RAD21: variants seen among roughly 807,000 people sequenced by gnomAD.
RAD21 encodes the protein RAD21 cohesin complex component.
A neutral mutation model predicts 71.5 loss-of-function variants in RAD21; 18 were observed. The ratio of observed to expected loss-of-function variants is 0.25; its 90% confidence interval spans 0.17 to 0.37. The LOEUF is 0.37. Among genes scored for constraint, RAD21 ranks in the 10% least tolerant of loss-of-function variants. The probability of loss-of-function intolerance (pLI) is 1.00; values close to 1 mark genes in which losing one functional copy is unlikely to be tolerated. For missense variants in RAD21, 493 were observed against 769.1 expected (o/e 0.64, Z 4.25); for synonymous variants, 248 against 254.0 (o/e 0.98, Z 0.22).
At chr8:116,851,533 T>C (rs1167747361) in intron 11 of RAD21, 2 of 154,084 alleles carry the variant, frequency 1.3e-5, no homozygotes, top group African/African-American at 4.8e-5. Flanking sequence ...CTAGCTGAAC[T>C]CAATGGTAGT....
chr8:116,871,828 A>G (rs548906158), intron 1 of RAD21, among the ~76,000 whole-genome samples: 67 of 152,366 alleles, frequency 4.4e-4, no homozygotes, highest in Non-Finnish European at 7.9e-4. Context: ...ACAGATGAAG[A>G]TAAGTAAATG....
At chr8:116,865,349 G>A (rs958980884) in intron 2 of RAD21, among the ~76,000 whole-genome samples, 1 of 152,076 alleles carries the variant, frequency 6.6e-6, no homozygotes, top group African/African-American at 2.4e-5. Flanking sequence ...TTTGCTTACG[G>A]ATGTTAAAGA....
intron 8 of RAD21, 134 bp from the exon 9 acceptor site, chr8:116,854,602 G>T: frequency 2.9e-6 from 2 of 697,818 alleles, no homozygotes; most frequent in East Asian, 5.3e-5. Context: ...ACTTCATGAG[G>T]ATAGAACGTT....
chr8:116,857,380 A>T lies in RAD21; in HGVS notation c.575T>A (p.Leu192Gln). ...GCTGGTGCTCTGTTCAGACTCTAAT[A>T]GGAGGTTAGAAGTAGTAGTGCTTAC... ...MLVSTTTSNL[L>Q]LESEQSTSNL... Residue 192 changes from leucine to glutamine, a missense_variant, in exon 6 of 14, where the codon CTA becomes CAA. Transcript: ENST00000297338. 1 of 1,613,174 alleles carries T rather than the reference A, an allele frequency of 6.2e-7. No individual in the cohort carries two copies. Among genetic ancestry groups the T allele is most frequent in the Non-Finnish European group, 8.5e-7 (1 of 1,179,554 alleles).
intron 2 of RAD21, among the ~76,000 whole-genome samples, chr8:116,864,662 C>T (rs1237931585): frequency 1.3e-5 from 2 of 151,970 alleles, no homozygotes; most frequent in African/African-American, 4.8e-5. Context: ...ATTGATTGAA[C>T]CTTCACCTAA....
At position 116,874,655 on chromosome 8, in the gene RAD21, G is replaced by A; in HGVS notation, c.-77C>T. 1 of 365,600 alleles carries A rather than the reference G, an allele frequency of 2.7e-6. No individual in the cohort carries two copies. Among genetic ancestry groups the A allele is most frequent in the Non-Finnish European group, 5.4e-6 (1 of 186,558 alleles). The allele number at this position is 365,600 out of a possible 1,614,324, so 22.6% of individuals were successfully genotyped here. A position where few individuals can be genotyped will look rare whatever the true frequency, so the allele number is the denominator to read the frequency against. The stretch of plus-strand genomic sequence containing the variant: ...TGGGCGGGCTGGGTGGCCCGGGGAG[G>A]GGAAAAGGGTCGGGGGAGGGGGTGG... On this transcript the variant is annotated 5_prime_UTR_variant, in exon 1 of 14. Coordinates refer to ENST00000297338, the MANE Select transcript of RAD21 (RefSeq NM_006265.3).
chr8:116,851,813 CTCT>C (rs1812354896), intron 11 of RAD21, 132 bp downstream of exon 11: 1 of 877,544 alleles, frequency 1.1e-6, no homozygotes, highest in Non-Finnish European at 1.7e-6. Context: ...TATCCTGTTG[CTCT>C]TCTTCCTCTG....
chr8:116,861,025 T>G (rs531983227), intron 4 of RAD21, among the ~76,000 whole-genome samples: 4 of 151,970 alleles, frequency 2.6e-5, no homozygotes, highest in Non-Finnish European at 4.4e-5. Context: ...AGTTATTAGC[T>G]ATGTTTAAAA....
intron 11 of RAD21, 32 bp from the exon 12 acceptor site, chr8:116,850,799 T>C (rs199800661): frequency 2.6e-5 from 37 of 1,419,342 alleles, no homozygotes; most frequent in Middle Eastern, 3.6e-4. Context: ...CAATTTAAGA[T>C]ATATGCTTTT....
chr8:116,857,611 T>A, intron 5 of RAD21, 138 bp from the exon 6 acceptor site: 1 of 765,354 alleles, frequency 1.3e-6, no homozygotes, highest in Non-Finnish European at 2.0e-6. Flanking sequence ...ATATCTAGTT[T>A]AAACTTTAAT....
At chr8:116,861,490 C>A (rs1812593044) in intron 4 of RAD21, among the ~76,000 whole-genome samples, 1 of 151,114 alleles carries the variant, frequency 6.6e-6, no homozygotes, top group East Asian at 1.9e-4. Context: ...CCTGGCCAAT[C>A]CAGTAGCTGA....
intron 2 of RAD21, 115 bp from the exon 3 acceptor site, chr8:116,863,374 A>G: frequency 8.9e-7 from 1 of 1,119,594 alleles, no homozygotes; most frequent in Non-Finnish European, 1.2e-6. Context: ...CTCTGTCCTT[A>G]CCTATAAATT....
intron 1 of RAD21, 72 bp from the exon 2 acceptor site, chr8:116,866,833 T>A: frequency 9.1e-7 from 1 of 1,104,534 alleles, no homozygotes; most frequent in Non-Finnish European, 1.2e-6. Context: ...ATAAGAAATT[T>A]AAAATTTTTC....
In RAD21 at chr8:116,847,682, C is replaced by T. The variant is rs774349300; in HGVS notation, c.1714G>A (p.Ala572Thr). ...CTGATAGATTCAGCTCCAGTTTTAG[C>T]AAGAGCACGCTGAAATAAAACCAAA... ...QMLHGLQRAL[A>T]KTGAESISLL... The change falls in exon 14 of 14, where the codon GCT becomes ACT. Residue 572 changes from alanine to threonine, a missense_variant. Physicochemically the swap from Ala to Thr is moderately conservative, Grantham distance 58 (BLOSUM62 0). Transcript: ENST00000297338. 6.2e-7 allele frequency: 1 copy of T among 1,612,102 alleles called. No homozygotes were observed. The highest frequency in any genetic ancestry group is 1.7e-5 in the Admixed American group (1 of 59,602).
chr8:116,864,413 G>C (rs1437840858), intron 2 of RAD21, among the ~76,000 whole-genome samples: 1 of 152,004 alleles, frequency 6.6e-6, no homozygotes, highest in Non-Finnish European at 1.5e-5. Flanking sequence ...CAGCACTCTA[G>C]GACCCTACTT....
rs1304680740 is a variant in RAD21, at chr8:116,874,682, GA to G, written c.-105del. On this transcript the variant is annotated 5_prime_UTR_variant, in exon 1 of 14. Coordinates refer to ENST00000297338, the MANE Select transcript of RAD21 (RefSeq NM_006265.3). ...GAAAAGGGTCGGGGGAGGGGGTGGG[GA>G]AAGGGGGGAGCCCTTGCGAGGTGTA... The G allele has an allele frequency of 1.3e-5, 5 of 387,120 alleles. No individual in the cohort carries two copies. The highest frequency in any genetic ancestry group is 2.3e-5 in the African/African-American group (1 of 44,442). The allele number at this position is 387,120 out of a possible 1,614,324, so 24.0% of individuals were successfully genotyped here.
At position 116,847,554 on chromosome 8, in the gene RAD21, T is replaced by C; in HGVS notation, c.1842A>G (p.Glu614=). ...KKQQAIELTQ[E]EPYSDIIATP... The stretch of plus-strand genomic sequence containing the variant: ...TTGCGATGATGTCACTGTACGGTTC[T>C]TCCTGTGTCAGCTCAATAGCTTGCT... The change falls in exon 14 of 14, where the codon GAA becomes GAG. Residue 614 remains glutamate (E), a synonymous_variant. Transcript: ENST00000297338. The C allele has an allele frequency of 6.2e-7, 1 of 1,614,126 alleles. No individual in the cohort carries two copies. The highest frequency in any genetic ancestry group is 2.2e-5 in the East Asian group (1 of 44,880).
chr8:116,863,351 A>G, intron 2 of RAD21, 92 bp from the exon 3 acceptor site: 4 of 1,357,658 alleles, frequency 2.9e-6, no homozygotes, highest in East Asian at 2.3e-5. Flanking sequence ...TTGCCTTATA[A>G]TCACATACAT....
rs1812268701 is a variant in RAD21 at position 116,847,330 on chromosome 8, A to G, written c.*170T>C. 1.8e-6 allele frequency: 1 copy of G among 569,836 alleles called. No individual in the cohort carries two copies. Among genetic ancestry groups the G allele is most frequent in the African/African-American group, 1.9e-5 (1 of 52,468 alleles). The allele number at this position is 569,836 out of a possible 1,614,324, so 35.3% of individuals were successfully genotyped here. A position where few individuals can be genotyped will look rare whatever the true frequency, so the allele number is the denominator to read the frequency against. Reference sequence around the variant, plus strand: ...CAACCCATCTAATCAGTTTCCCTCAAAGATGAAATTGACAAATTTAATGTA... The same window carrying G: ...CAACCCATCTAATCAGTTTCCCTCAGAGATGAAATTGACAAATTTAATGTA... On this transcript the variant is annotated 3_prime_UTR_variant, in exon 14 of 14. Transcript: ENST00000297338.
Sources: gnomAD v4.1 joint callset for allele counts (sites outside exome capture counted in the v4.1 genomes callset) on GRCh38, gnomAD v4.1.1 for gene constraint, MANE v1.5 for transcripts, NCBI Gene and HGNC (gene_info 2026-07-23, HGNC 2026-07-21) for gene names.